ZDHHC20: variants seen among roughly 807,000 people sequenced by gnomAD.
ZDHHC20 encodes palmitoyltransferase ZDHHC20.
In ZDHHC20, 43 loss-of-function variants were observed where a neutral mutation model predicts 57.8. The ratio of observed to expected loss-of-function variants is 0.74; its 90% CI spans 0.58 to 0.96. ZDHHC20 has a LOEUF of 0.96. Among genes scored for constraint, ZDHHC20 ranks in the 40% least tolerant of loss-of-function variants. ZDHHC20 has a pLI of 0.00. For missense variants in ZDHHC20, 391 were observed against 441.1 expected, an observed-to-expected ratio of 0.89 and a Z score of 1.02; for synonymous variants, 157 against 153.0, an observed-to-expected ratio of 1.03 and a Z score of -0.19.
At chr13:21,437,916 C>T (rs1381659704) in intron 1 of ZDHHC20, among the ~76,000 whole-genome samples, 1 of 152,194 alleles carries the variant, frequency 6.6e-6, no homozygotes, top group Non-Finnish European at 1.5e-5. Flanking sequence ...TGGTCTCGAT[C>T]TCCTGACCTC....
intron 1 of ZDHHC20, among the ~76,000 whole-genome samples, chr13:21,428,276 A>G (rs1881511404): frequency 6.6e-6 from 1 of 151,976 alleles, no homozygotes. Context: ...GCTGGAGTAA[A>G]GTGGCGTGAT....
At chr13:21,438,535 C>T (rs1029886159) in intron 1 of ZDHHC20, among the ~76,000 whole-genome samples, 6 of 152,178 alleles carry the variant, frequency 3.9e-5, no homozygotes, top group Non-Finnish European at 8.8e-5. Context: ...AAAACTTGAA[C>T]AGACGAGGAG....
intron 1 of ZDHHC20, among the ~76,000 whole-genome samples, chr13:21,428,521 A>C (rs1334597982): frequency 6.6e-6 from 1 of 151,490 alleles, no homozygotes; most frequent in African/African-American, 2.4e-5. Flanking sequence ...ACCCAGGCCC[A>C]AACTATGTTT....
At chr13:21,449,480 T>C (rs1056326743) in intron 1 of ZDHHC20, among the ~76,000 whole-genome samples, 2 of 152,208 alleles carry the variant, frequency 1.3e-5, no homozygotes, top group East Asian at 1.9e-4. Context: ...ATGACGGGAA[T>C]GTCCCAAAAG....
chr13:21,445,946 G>A (rs530068816), intron 1 of ZDHHC20, among the ~76,000 whole-genome samples: 5 of 152,284 alleles, frequency 3.3e-5, no homozygotes, highest in South Asian at 4.1e-4. Context: ...CTAGCCATGC[G>A]GAAATCTGGG....
intron 8 of ZDHHC20, 148 bp downstream of exon 8, chr13:21,391,574 G>A (rs898074360): frequency 2.1e-5 from 17 of 800,338 alleles, no homozygotes; most frequent in African/African-American, 3.6e-5. Flanking sequence ...TGTCTCTGCA[G>A]TAGCTGGGAT....
chr13:21,388,735 T>C (rs989085174), intron 8 of ZDHHC20, among the ~76,000 whole-genome samples: 1 of 152,214 alleles, frequency 6.6e-6, no homozygotes, highest in Non-Finnish European at 1.5e-5. Flanking sequence ...TCTGTAGCTA[T>C]AGCAAACCTT....
At chr13:21,397,962 G>GA (rs1488146409) in intron 7 of ZDHHC20, among the ~76,000 whole-genome samples, 2 of 151,846 alleles carry the variant, frequency 1.3e-5, no homozygotes, top group East Asian at 1.9e-4. Flanking sequence ...CACAGAGTTG[G>GA]AAAAAACAAA....
At chr13:21,388,092 T>G (rs1874903886) in intron 8 of ZDHHC20, among the ~76,000 whole-genome samples, 1 of 152,130 alleles carries the variant, frequency 6.6e-6, no homozygotes, top group Non-Finnish European at 1.5e-5. Flanking sequence ...AACATGGCCA[T>G]GACGTACTGG....
chr13:21,439,046 G>T (rs1566108690), intron 1 of ZDHHC20, among the ~76,000 whole-genome samples: 1 of 152,316 alleles, frequency 6.6e-6, no homozygotes, highest in East Asian at 1.9e-4. Context: ...TTTATATGCA[G>T]TAGGAAACCA....
chr13:21,374,271 C>A lies in ZDHHC20; in HGVS notation c.*2425G>T, dbSNP rs1436178521. ...GATGGAGTTTCACTCGTCGCCCAGG[C>A]TGGAGTGCAGTGGCACGATCTCGGC... On this transcript the variant is annotated 3_prime_UTR_variant, in exon 13 of 13. Coordinates refer to ENST00000400590, the MANE Select transcript of ZDHHC20 (RefSeq NM_001330059.2). 1 of 314,398 alleles carries A rather than the reference C, an allele frequency of 3.2e-6. No homozygotes were observed. The highest frequency in any genetic ancestry group is 6.7e-6 in the Non-Finnish European group (1 of 149,638). 19.5% of individuals were successfully genotyped at this position (314,398 alleles called of 1,614,324 possible).
intron 10 of ZDHHC20, chr13:21,382,107 A>T: frequency 3.0e-6 from 1 of 332,152 alleles, no homozygotes; most frequent in Non-Finnish European, 6.2e-6. Flanking sequence ...TCTTATACAC[A>T]TTATCTCAAC....
At chr13:21,437,980 C>T (rs547959039) in intron 1 of ZDHHC20, among the ~76,000 whole-genome samples, 16 of 152,280 alleles carry the variant, frequency 1.1e-4, no homozygotes, top group East Asian at 3.9e-4. Flanking sequence ...CGTGAGCCAC[C>T]GCACCCAGCG....
intron 9 of ZDHHC20, among the ~76,000 whole-genome samples, chr13:21,384,855 C>A (rs1874165589): frequency 6.6e-6 from 1 of 152,062 alleles, no homozygotes; most frequent in South Asian, 2.1e-4. Context: ...AATCCTAGCC[C>A]TTCGGGAGGC....
chr13:21,442,793 T>A (rs1481515261), intron 1 of ZDHHC20, among the ~76,000 whole-genome samples: 1 of 152,194 alleles, frequency 6.6e-6, no homozygotes, highest in African/African-American at 2.4e-5. Flanking sequence ...GCAGTTTCTT[T>A]TATTCAGCAG....
At position 21,449,228 on chromosome 13, in the gene ZDHHC20, A is replaced by T. The variant is rs142806579; in HGVS notation, c.118+9826T>A. Among the ~76,000 whole-genome samples, 35 of 151,898 alleles carry T rather than the reference A, an allele frequency of 2.3e-4. No homozygotes were observed. The East Asian group carries it at 5.4e-3, about 23-fold the overall frequency. On this transcript the variant is annotated intron_variant, in intron 1 of 12. Transcript: ENST00000400590. ...AGAATTATCAATAAAAAAATAAATTAAAAAAAATAAATAAATAAAAATAAA... is the reference window on the plus strand; with the variant it reads ...AGAATTATCAATAAAAAAATAAATTTAAAAAAATAAATAAATAAAAATAAA...
chr13:21,410,891 C>G (rs1429863450), intron 4 of ZDHHC20, among the ~76,000 whole-genome samples: 1 of 152,150 alleles, frequency 6.6e-6, no homozygotes, highest in Non-Finnish European at 1.5e-5. Context: ...GCTGGCGTGC[C>G]AGGTGCCACT....
chr13:21,392,628 C>T (rs1391518847), intron 7 of ZDHHC20, among the ~76,000 whole-genome samples: 3 of 152,138 alleles, frequency 2.0e-5, no homozygotes, highest in Non-Finnish European at 4.4e-5. Flanking sequence ...CAAACTAGAG[C>T]CTAGAAGAAA....
intron 6 of ZDHHC20, 45 bp from the exon 7 acceptor site, chr13:21,400,538 CA>C: frequency 6.6e-7 from 1 of 1,514,972 alleles, no homozygotes; most frequent in Non-Finnish European, 8.8e-7. Context: ...AGACAAATCA[CA>C]AATTCACAGA....
Sources: gnomAD v4.1 joint callset for allele counts (sites outside exome capture counted in the v4.1 genomes callset) on GRCh38, gnomAD v4.1.1 for gene constraint, MANE v1.5 for transcripts, NCBI Gene and HGNC (gene_info 2026-07-23, HGNC 2026-07-21) for gene names.